Variants in AP3B1 observed in about 807,000 individuals in gnomAD.
AP3B1 encodes AP-3 complex subunit beta-1.
Under a neutral mutation model 132.5 loss-of-function variants are expected in AP3B1, and 61 were observed. The ratio of observed to expected loss-of-function variants is 0.46; its 90% CI spans 0.37 to 0.57. The LOEUF (loss-of-function observed/expected upper bound fraction) is 0.57, where lower values mean the gene tolerates loss of function less well. Among genes scored for constraint, AP3B1 ranks in the 20% least tolerant of loss-of-function variants. The pLI, the probability that AP3B1 is intolerant of heterozygous loss-of-function variation, is 0.00. For synonymous variants in AP3B1, 388 were observed against 438.3 expected (o/e 0.89, Z 1.43); for missense variants, 1,120 against 1,289.4 (o/e 0.87, Z 2.01).
At chr5:78,136,768 T>A (rs970659779) in intron 15 of AP3B1, among the ~76,000 whole-genome samples, 10 of 152,220 alleles carry the variant, frequency 6.6e-5, no homozygotes, top group African/African-American at 2.4e-4. Flanking sequence ...AATATAGTTT[T>A]TGAGTGTTGC....
chr5:78,081,149 A>G (rs1749982623), intron 22 of AP3B1, among the ~76,000 whole-genome samples: 1 of 152,182 alleles, frequency 6.6e-6, no homozygotes, highest in Admixed American at 6.5e-5. Context: ...GGCAAAGAAC[A>G]AGATGAGAGA....
chr5:78,216,111 T>C lies in AP3B1; in HGVS notation c.730A>G (p.Ile244Val), dbSNP rs967619405. The change falls in exon 7 of 27, where the codon ATA (isoleucine) becomes GTA (valine). Residue 244 changes from isoleucine to valine, a missense_variant. Physicochemically the swap from Ile to Val is conservative, Grantham distance 29 (BLOSUM62 3). This residue lies in a region of AP3B1 where 129 missense variants were observed against 212.4 expected (regional missense o/e 0.61). Transcript: ENST00000255194. The part of the protein sequence containing the change: ...VDVEEWGQVV[I>V]IHMLTRYART... ...GCATATCGAGTTAGCATGTGGATTA[T>C]GACAACCTGCCCCCACTCTTCAACA... 9 of 1,614,086 alleles carry C rather than the reference T, an allele frequency of 5.6e-6. No homozygotes were observed. Among genetic ancestry groups the C allele is most frequent in the South Asian group, 1.1e-5 (1 of 91,082 alleles).
At chr5:78,190,468 C>T (rs1386504263) in intron 7 of AP3B1, among the ~76,000 whole-genome samples, 1 of 152,184 alleles carries the variant, frequency 6.6e-6, no homozygotes, top group East Asian at 1.9e-4. Context: ...TCTCCAACAA[C>T]ATATTTGAAT....
At chr5:78,184,686 C>CAAAAAAAAAAAAAAAAAAAAAA (rs772722596) in intron 7 of AP3B1, among the ~76,000 whole-genome samples, 17 of 110,556 alleles carry the variant, frequency 1.5e-4, no homozygotes, top group African/African-American at 5.8e-4. Context: ...GACACTGTCT[C>CAAAAAAAAAAAAAAAAAAAAAA]AAAAAAAAAA....
chr5:78,267,079 A>C (rs1030818036), intron 2 of AP3B1, among the ~76,000 whole-genome samples: 16 of 152,068 alleles, frequency 1.1e-4, no homozygotes, highest in African/African-American at 3.6e-4. Flanking sequence ...TAGGCTTCTA[A>C]ACTGAATAAA....
At chr5:78,208,481 C>T (rs1005320051) in intron 7 of AP3B1, among the ~76,000 whole-genome samples, 4 of 152,244 alleles carry the variant, frequency 2.6e-5, no homozygotes, top group Non-Finnish European at 5.9e-5. Context: ...GGGAAGGAAT[C>T]ATGAGAAAGG....
intron 2 of AP3B1, among the ~76,000 whole-genome samples, chr5:78,255,327 C>T (rs977980006): frequency 3.3e-5 from 5 of 151,910 alleles, no homozygotes; most frequent in African/African-American, 1.2e-4. Flanking sequence ...AAACAAAACC[C>T]ATTGATCTGT....
At chr5:78,138,498 T>C (rs1753007182) in intron 15 of AP3B1, among the ~76,000 whole-genome samples, 1 of 152,114 alleles carries the variant, frequency 6.6e-6, no homozygotes, top group South Asian at 2.1e-4. Flanking sequence ...AATTTTCAGT[T>C]GCTAATTCTC....
intron 26 of AP3B1, among the ~76,000 whole-genome samples, chr5:78,008,419 T>C (rs577287623): frequency 6.6e-6 from 1 of 152,324 alleles, no homozygotes; most frequent in East Asian, 1.9e-4. Flanking sequence ...AAATCAGCTG[T>C]GCAGTTTGGT....
At chr5:78,095,893 C>T (rs1259602131) in intron 21 of AP3B1, among the ~76,000 whole-genome samples, 1 of 152,182 alleles carries the variant, frequency 6.6e-6, no homozygotes, top group African/African-American at 2.4e-5. Context: ...CAAAGAGAAA[C>T]ACTATATCCT....
intron 7 of AP3B1, among the ~76,000 whole-genome samples, chr5:78,215,235 T>C (rs1041773674): frequency 9.9e-5 from 15 of 152,040 alleles, no homozygotes; most frequent in Admixed American, 7.9e-4. Context: ...AAATTGGTTT[T>C]TAAAATCTAT....
In AP3B1 at chr5:78,216,038, G is replaced by C. The variant is rs762385046; in HGVS notation, c.786+17C>G. 2 of 1,613,330 alleles carry C rather than the reference G, an allele frequency of 1.2e-6. No homozygotes were observed. The highest frequency in any genetic ancestry group is 1.7e-6 in the Non-Finnish European group (2 of 1,179,332). On this transcript the variant is annotated intron_variant, in intron 7 of 26. Coordinates refer to ENST00000255194, the MANE Select transcript of AP3B1 (RefSeq NM_003664.5). ...TCTCTTAGTATACTTGAAAGTGGAA[G>C]ACTGTTCAACACTTACCTCTTTCCA... is the stretch of plus-strand genomic sequence containing the variant.
At chr5:78,065,089 A>T (rs1749225514) in intron 22 of AP3B1, among the ~76,000 whole-genome samples, 2 of 152,200 alleles carry the variant, frequency 1.3e-5, no homozygotes, top group Non-Finnish European at 2.9e-5. Context: ...CACAGGAGCC[A>T]CATGGGGCAA....
intron 7 of AP3B1, among the ~76,000 whole-genome samples, chr5:78,212,853 C>T (rs965663899): frequency 2.0e-5 from 3 of 152,070 alleles, no homozygotes; most frequent in African/African-American, 7.2e-5. Context: ...TCAAACTCTG[C>T]TTTGAGATTT....
rs1301841077 is a variant in AP3B1, at chr5:78,225,953, A to AT, written c.537-346dup. 1.3e-5 allele frequency among the ~76,000 whole-genome samples: 2 copies of AT among 152,080 alleles called. 1 individual carries two copies. The highest frequency in any genetic ancestry group is 1.3e-4 in the Admixed American group (2 of 15,256). ...CAACTGGGAGGAAAAAAATAACTAG[A>AT]TAGCAGTCATTATTTTACTATGCAT... On this transcript the variant is annotated intron_variant, in intron 5 of 26. Transcript: ENST00000255194.
intron 3 of AP3B1, among the ~76,000 whole-genome samples, chr5:78,237,346 T>C (rs1561494283): frequency 2.0e-5 from 3 of 149,174 alleles, no homozygotes; most frequent in African/African-American, 7.5e-5. Context: ...ATTTTTTAAA[T>C]AGCCAGGAGT....
intron 25 of AP3B1, among the ~76,000 whole-genome samples, chr5:78,019,728 T>C (rs1304152970): frequency 6.6e-6 from 1 of 152,152 alleles, no homozygotes; most frequent in Non-Finnish European, 1.5e-5. Context: ...TTTGACATTG[T>C]GAATTGCAAA....
At chr5:78,188,758 T>C (rs956122470) in intron 7 of AP3B1, among the ~76,000 whole-genome samples, 4 of 152,098 alleles carry the variant, frequency 2.6e-5, no homozygotes, top group African/African-American at 7.2e-5. Context: ...AATCATTCCA[T>C]TATAAAGATA....
intron 7 of AP3B1, among the ~76,000 whole-genome samples, chr5:78,194,735 T>C (rs914709902): frequency 1.3e-5 from 2 of 152,222 alleles, no homozygotes; most frequent in Non-Finnish European, 2.9e-5. Flanking sequence ...TGCTAAATCA[T>C]GTGAATGAGT....
Sources: gnomAD v4.1 joint callset for allele counts (sites outside exome capture counted in the v4.1 genomes callset) on GRCh38, gnomAD v4.1.1 for gene constraint, gnomAD v4.1.1 regional missense constraint, MANE v1.5 for transcripts, NCBI Gene and HGNC (gene_info 2026-07-23, HGNC 2026-07-21) for gene names.